Variants in PTPRT observed in about 807,000 individuals in gnomAD.
PTPRT encodes the protein protein tyrosine phosphatase receptor type T.
PTPRT carries 56 observed loss-of-function variants against 176.8 expected under a neutral mutation model. The observed-to-expected ratio is 0.32, with a 90% CI of 0.26 to 0.40. The LOEUF (loss-of-function observed/expected upper bound fraction) is 0.40. Ranked by LOEUF, PTPRT falls within the 10% of genes least tolerant of loss-of-function variation. The pLI, the probability that PTPRT is intolerant of heterozygous loss-of-function variation, is 1.00. For synonymous variants in PTPRT, 783 were observed against 739.0 expected, an observed-to-expected ratio of 1.06 and a Z score of -0.96; for missense variants, 1,540 against 1,908.2, an observed-to-expected ratio of 0.81 and a Z score of 3.60.
chr20:42,985,743 T>C (rs1983535797), intron 1 of PTPRT, among the ~76,000 whole-genome samples: 1 of 151,968 alleles, frequency 6.6e-6, no homozygotes, highest in Admixed American at 6.6e-5. Flanking sequence ...TAATTGTAAA[T>C]AGAATGGTCA....
At chr20:42,931,365 C>T (rs1006788495) in intron 1 of PTPRT, among the ~76,000 whole-genome samples, 2 of 152,028 alleles carry the variant, frequency 1.3e-5, no homozygotes, top group South Asian at 2.1e-4. Flanking sequence ...AGGAAGAGGC[C>T]CCTCACCAGA....
chr20:43,013,344 A>G lies in PTPRT; in HGVS notation c.89-127412T>C, dbSNP rs112036431. ...TTCAAAATGATTTCTGCTGCCATCAATGCATTTTATTCACAACAAGCAACC... is the reference window on the plus strand; with the variant it reads ...TTCAAAATGATTTCTGCTGCCATCAGTGCATTTTATTCACAACAAGCAACC... On this transcript the variant is annotated intron_variant, in intron 1 of 30. Coordinates refer to ENST00000373187, the MANE Select transcript of PTPRT (RefSeq NM_007050.6). 6.6e-4 allele frequency among the ~76,000 whole-genome samples: 101 copies of G among 152,270 alleles called. 1 individual carries two copies. Among genetic ancestry groups the G allele is most frequent in the African/African-American group, 1.9e-3 (81 of 41,564 alleles).
chr20:42,112,353 C>A (rs1215662642), intron 22 of PTPRT, among the ~76,000 whole-genome samples: 1 of 152,116 alleles, frequency 6.6e-6, no homozygotes, highest in Non-Finnish European at 1.5e-5. Flanking sequence ...TGAACAGGAA[C>A]CCCCCTCCCC....
intron 7 of PTPRT, among the ~76,000 whole-genome samples, chr20:42,627,973 C>T (rs2074326505): frequency 6.6e-6 from 1 of 152,082 alleles, no homozygotes; most frequent in Admixed American, 6.5e-5. Flanking sequence ...AAGGTTTCAT[C>T]CATCCGTAAT....
At chr20:42,186,531 A>G (rs1462323060) in intron 16 of PTPRT, among the ~76,000 whole-genome samples, 1 of 151,966 alleles carries the variant, frequency 6.6e-6, no homozygotes, top group East Asian at 2.0e-4. Flanking sequence ...TTATGGTGTC[A>G]CGGAGCTCAC....
At chr20:42,398,764 T>C (rs992856067) in intron 9 of PTPRT, among the ~76,000 whole-genome samples, 1 of 152,200 alleles carries the variant, frequency 6.6e-6, no homozygotes, top group Non-Finnish European at 1.5e-5. Flanking sequence ...CAGGTATCTA[T>C]TGGTACTCCA....
chr20:42,382,199 T>C (rs922930579), intron 9 of PTPRT, among the ~76,000 whole-genome samples: 1 of 152,224 alleles, frequency 6.6e-6, no homozygotes, highest in African/African-American at 2.4e-5. Context: ...GTGAGCTGCA[T>C]TGTTCTGTTT....
chr20:42,378,286 T>C (rs890699765), intron 9 of PTPRT, among the ~76,000 whole-genome samples: 1 of 152,180 alleles, frequency 6.6e-6, no homozygotes, highest in African/African-American at 2.4e-5. Context: ...TTTGATTCTT[T>C]TTCTGTTCTC....
At chr20:42,697,367 T>G (rs2075897846) in intron 6 of PTPRT, among the ~76,000 whole-genome samples, 1 of 152,246 alleles carries the variant, frequency 6.6e-6, no homozygotes, top group Non-Finnish European at 1.5e-5. Flanking sequence ...AGTGTTTTAT[T>G]TTACAGTGGT....
intron 7 of PTPRT, among the ~76,000 whole-genome samples, chr20:42,653,732 A>C (rs1292114125): frequency 3.9e-5 from 6 of 152,230 alleles, no homozygotes; most frequent in Non-Finnish European, 8.8e-5. Flanking sequence ...CCAAGAACTT[A>C]ATAATTTATC....
intron 18 of PTPRT, among the ~76,000 whole-genome samples, chr20:42,136,961 C>A (rs1293119219): frequency 6.6e-6 from 1 of 152,146 alleles, no homozygotes; most frequent in East Asian, 1.9e-4. Flanking sequence ...TATATACCCA[C>A]TTCCATCAGT....
At chr20:42,999,961 T>TATGC (rs1984457084) in intron 1 of PTPRT, among the ~76,000 whole-genome samples, 1 of 151,412 alleles carries the variant, frequency 6.6e-6, no homozygotes, top group Non-Finnish European at 1.5e-5. Flanking sequence ...TGAGATGGGA[T>TATGC]ATGCCCTCAA....
intron 5 of PTPRT, among the ~76,000 whole-genome samples, chr20:42,765,673 T>C (rs1260253697): frequency 6.6e-6 from 1 of 151,848 alleles, no homozygotes; most frequent in Non-Finnish European, 1.5e-5. Context: ...TGTCTATGTA[T>C]ATACATATGT....
intron 5 of PTPRT, among the ~76,000 whole-genome samples, chr20:42,770,296 T>C (rs185262782): frequency 3.9e-4 from 59 of 152,312 alleles, no homozygotes; most frequent in African/African-American, 1.3e-3. Context: ...CTAATTTTTC[T>C]ATAGAAATAA....
At chr20:43,184,763 G>A (rs540861145) in intron 1 of PTPRT, among the ~76,000 whole-genome samples, 6 of 151,546 alleles carry the variant, frequency 4.0e-5, no homozygotes, top group East Asian at 1.9e-4. Context: ...TTGACACATC[G>A]ATTCCCATTT....
chr20:42,104,908 T>G (rs1227374355), intron 24 of PTPRT, among the ~76,000 whole-genome samples, 190 bp from the exon 25 acceptor site: 1 of 152,130 alleles, frequency 6.6e-6, no homozygotes, highest in East Asian at 1.9e-4. Context: ...TGAGCTATGG[T>G]GGGTCTTGTT....
intron 11 of PTPRT, among the ~76,000 whole-genome samples, chr20:42,350,239 T>TTTTTTC (rs2058262072): frequency 7.2e-6 from 1 of 138,478 alleles, no homozygotes; most frequent in South Asian, 2.4e-4. Flanking sequence ...TTTTTTTTTT[T>TTTTTTC]TTTTTTTGAG....
At chr20:42,335,214 G>A (rs777522604) in intron 11 of PTPRT, among the ~76,000 whole-genome samples, 10 of 152,142 alleles carry the variant, frequency 6.6e-5, no homozygotes, top group Non-Finnish European at 1.2e-4. Context: ...TCAAAAGTCT[G>A]TACACAAAAC....
intron 7 of PTPRT, among the ~76,000 whole-genome samples, chr20:42,620,021 G>T (rs909149107): frequency 1.3e-5 from 2 of 150,156 alleles, no homozygotes; most frequent in African/African-American, 5.0e-5. Flanking sequence ...GGCGCTCTGC[G>T]TTTTAGAATT....
Sources: gnomAD v4.1 joint callset for allele counts (sites outside exome capture counted in the v4.1 genomes callset) on GRCh38, gnomAD v4.1.1 for gene constraint, MANE v1.5 for transcripts, NCBI Gene and HGNC (gene_info 2026-07-23, HGNC 2026-07-21) for gene names.